CNTN3: variants seen among roughly 807,000 people sequenced by gnomAD.
CNTN3 encodes contactin 3, also known as contactin-3.
A neutral mutation model predicts 119.1 loss-of-function variants in CNTN3; 60 were observed. That is an observed-to-expected ratio of 0.50 (90% CI 0.41 to 0.62). The LOEUF (loss-of-function observed/expected upper bound fraction) is 0.62. Among genes scored for constraint, CNTN3 ranks in the 20% least tolerant of loss-of-function variants. The pLI is 0.00. For missense variants in CNTN3, 1,101 were observed against 1,242.4 expected, an observed-to-expected ratio of 0.89 and a Z score of 1.71; for synonymous variants, 450 against 438.7, an observed-to-expected ratio of 1.03 and a Z score of -0.32.
At chr3:74,264,545 T>C in intron 22 of CNTN3, 44 bp from the exon 23 acceptor site, 4 of 1,302,454 alleles carry the variant, frequency 3.1e-6, no homozygotes, top group Non-Finnish European at 4.4e-6. Context: ...ATTGTACCAA[T>C]ATGTAATCAG....
chr3:74,356,727 G>C (rs973707209), intron 11 of CNTN3, among the ~76,000 whole-genome samples: 1 of 152,042 alleles, frequency 6.6e-6, no homozygotes, highest in African/African-American at 2.4e-5. Flanking sequence ...GAAGACCTCT[G>C]TTGGGCAGTA....
rs1361924833 is a variant in CNTN3, at chr3:74,425,718, T to C, written c.359-778A>G. Reference sequence around the variant, plus strand: ...ACCAACTATTCATGAATTTCCCTCCTAAAACATTTTATCATAGCCTAAATA... The same window carrying C: ...ACCAACTATTCATGAATTTCCCTCCCAAAACATTTTATCATAGCCTAAATA... On this transcript the variant is annotated intron_variant, in intron 4 of 22. Transcript: ENST00000263665. Among the ~76,000 whole-genome samples the C allele has an allele frequency of 5.9e-5, 9 of 152,302 alleles. No homozygotes were observed. The East Asian group carries it at 1.7e-3, about 29-fold the overall frequency.
intron 13 of CNTN3, among the ~76,000 whole-genome samples, chr3:74,316,545 C>T (rs370015341): frequency 1.3e-5 from 2 of 152,250 alleles, no homozygotes; most frequent in East Asian, 3.9e-4. Context: ...CATATGTTCA[C>T]CACAGTATTA....
At chr3:74,402,539 G>T (rs1031941445) in intron 5 of CNTN3, among the ~76,000 whole-genome samples, 8 of 152,092 alleles carry the variant, frequency 5.3e-5, no homozygotes, top group African/African-American at 1.9e-4. Flanking sequence ...GACATTGTTA[G>T]CATTCCAGCA....
chr3:74,411,843 T>C (rs1217246838), intron 5 of CNTN3, among the ~76,000 whole-genome samples: 1 of 152,146 alleles, frequency 6.6e-6, no homozygotes, highest in Non-Finnish European at 1.5e-5. Context: ...TAAATGGTAG[T>C]AGTAAAGACA....
In CNTN3 at chr3:74,556,178, C is replaced by T. The variant is rs140691464; in HGVS notation, c.-80-34986G>A. ...TACTTCACACACCATAAAATCCACC[C>T]TTTTAAGTGAATACTTCAATGGTTT... is the stretch of plus-strand genomic sequence containing the variant. On this transcript the variant is annotated intron_variant, in intron 1 of 22. Coordinates refer to ENST00000263665, the MANE Select transcript of CNTN3 (RefSeq NM_020872.3). Among the ~76,000 whole-genome samples the T allele has an allele frequency of 6.6e-5, 10 of 152,192 alleles. No individual in the cohort carries two copies. The East Asian group carries it at 1.9e-3, about 29-fold the overall frequency.
chr3:74,276,757 A>C (rs1701889647), intron 20 of CNTN3, among the ~76,000 whole-genome samples: 2 of 152,172 alleles, frequency 1.3e-5, no homozygotes, highest in Non-Finnish European at 2.9e-5. Context: ...ACCCAAACTC[A>C]GCAGAAGAAA....
chr3:74,495,165 T>G (rs1190713302), intron 3 of CNTN3, among the ~76,000 whole-genome samples: 1 of 152,150 alleles, frequency 6.6e-6, no homozygotes, highest in East Asian at 1.9e-4. Context: ...GGAAAGGAGT[T>G]GAACTTGAGC....
In CNTN3 at chr3:74,296,484, T is replaced by TA. The variant is rs1031020109; in HGVS notation, c.2402-1249dup. 3.2e-3 allele frequency among the ~76,000 whole-genome samples: 484 copies of TA among 149,402 alleles called. 4 individuals are homozygous for TA. The highest frequency in any genetic ancestry group is 0.011 in the African/African-American group (450 of 40,842). ...CTTCTGCAAAGACTTGTATAACCCT[T>TA]AAAAAAAAAATCCCTCTCAGAACTC... On this transcript the variant is annotated intron_variant, in intron 18 of 22. Coordinates refer to ENST00000263665, the MANE Select transcript of CNTN3 (RefSeq NM_020872.3).
chr3:74,469,359 C>T (rs1368816720), intron 4 of CNTN3, among the ~76,000 whole-genome samples: 2 of 151,920 alleles, frequency 1.3e-5, no homozygotes, highest in East Asian at 3.9e-4. Context: ...CTACTAAGTA[C>T]AAAAAATTCC....
chr3:74,592,081 T>A (rs762269597), intron 1 of CNTN3, among the ~76,000 whole-genome samples: 2 of 151,804 alleles, frequency 1.3e-5, no homozygotes, highest in Non-Finnish European at 2.9e-5. Flanking sequence ...TTCAGTGGTA[T>A]AAAAGTCAAA....
At chr3:74,319,331 G>T (rs1486224914) in intron 13 of CNTN3, among the ~76,000 whole-genome samples, 4 of 152,090 alleles carry the variant, frequency 2.6e-5, no homozygotes, top group Non-Finnish European at 5.9e-5. Context: ...TAGATCAATG[G>T]AATAGAACAG....
intron 10 of CNTN3, among the ~76,000 whole-genome samples, chr3:74,363,684 G>A (rs1328473221): frequency 7.9e-5 from 12 of 152,028 alleles, no homozygotes; most frequent in Non-Finnish European, 1.8e-4. Flanking sequence ...GAATGACTGT[G>A]GTAATACATT....
chr3:74,507,626 CTTTT>C (rs59540461), intron 2 of CNTN3, among the ~76,000 whole-genome samples: 2 of 103,650 alleles, frequency 1.9e-5, no homozygotes, highest in East Asian at 2.7e-4. Flanking sequence ...TTCTTTCTTT[CTTTT>C]TTTTTTTTTT....
At chr3:74,516,398 G>A (rs1229741493) in intron 2 of CNTN3, among the ~76,000 whole-genome samples, 1 of 149,970 alleles carries the variant, frequency 6.7e-6, no homozygotes. Flanking sequence ...AAGACCTTTA[G>A]GATGATCCAC....
chr3:74,467,577 G>A (rs899708742), intron 4 of CNTN3, among the ~76,000 whole-genome samples: 2 of 151,440 alleles, frequency 1.3e-5, no homozygotes, highest in African/African-American at 4.9e-5. Context: ...GAACACAACA[G>A]CCTAAAAATT....
intron 16 of CNTN3, 59 bp from the exon 17 acceptor site, chr3:74,299,997 A>G (rs1702421958): frequency 9.3e-7 from 1 of 1,076,056 alleles, no homozygotes; most frequent in African/African-American, 1.6e-5. Flanking sequence ...TATTTATCTA[A>G]AAGATAATGC....
At chr3:74,609,499 C>T (rs1258944217) in intron 1 of CNTN3, among the ~76,000 whole-genome samples, 1 of 152,082 alleles carries the variant, frequency 6.6e-6, no homozygotes, top group African/African-American at 2.4e-5. Context: ...GCCTTGATGA[C>T]CCCAATGATA....
intron 1 of CNTN3, among the ~76,000 whole-genome samples, chr3:74,562,563 T>A (rs554985624): frequency 6.6e-6 from 1 of 152,146 alleles, no homozygotes; most frequent in South Asian, 2.1e-4. Flanking sequence ...GAGAGGCTAA[T>A]GATGAAGGCA....
Sources: allele counts gnomAD v4.1 joint callset (sites outside exome capture counted in the v4.1 genomes callset), GRCh38; gene constraint gnomAD v4.1.1; transcripts MANE v1.5; gene names NCBI Gene and HGNC (gene_info 2026-07-23, HGNC 2026-07-21).